NRXN3: variants seen among roughly 807,000 people sequenced by gnomAD.
The protein encoded by NRXN3 is neurexin III.
A neutral mutation model predicts 137.6 loss-of-function variants in NRXN3; 32 were observed. The ratio of observed to expected loss-of-function variants is 0.23; its 90% CI spans 0.18 to 0.31. The LOEUF (loss-of-function observed/expected upper bound fraction) is 0.31. Ranked by LOEUF, NRXN3 falls within the 10% of genes least tolerant of loss-of-function variation. The pLI is 1.00. For missense variants in NRXN3, 1,574 were observed against 2,062.5 expected, an observed-to-expected ratio of 0.76 and a Z score of 4.59; for synonymous variants, 798 against 784.5, an observed-to-expected ratio of 1.02 and a Z score of -0.29.
chr14:78,336,988 T>G (rs750304810), intron 4 of NRXN3, among the ~76,000 whole-genome samples: 74 of 152,324 alleles, frequency 4.9e-4, no homozygotes, highest in Non-Finnish European at 1.0e-3. Context: ...TCTCTGATTT[T>G]CTAGAATTTC....
intron 15 of NRXN3, among the ~76,000 whole-genome samples, chr14:79,025,196 C>T (rs1368472498): frequency 6.6e-6 from 1 of 152,112 alleles, no homozygotes; most frequent in Non-Finnish European, 1.5e-5. Context: ...TAGTCTTTAT[C>T]CTTTCAAATC....
chr14:78,935,074 T>A lies in NRXN3; in HGVS notation c.2276-22168T>A, dbSNP rs187331651. Among the ~76,000 whole-genome samples, 491 of 152,232 alleles carry A rather than the reference T, an allele frequency of 3.2e-3. 3 individuals carry two copies. Among genetic ancestry groups the A allele is most frequent in the African/African-American group, 0.011 (468 of 41,520 alleles). ...TGGCTCCTAGGCATATGGGAGAGGTTGAGTCAGTCACTGTGGCTTAGAGGC... is the reference window on the plus strand; with the variant it reads ...TGGCTCCTAGGCATATGGGAGAGGTAGAGTCAGTCACTGTGGCTTAGAGGC... On this transcript the variant is annotated intron_variant, in intron 10 of 20. Transcript: ENST00000335750.
At chr14:79,242,837 A>G (rs1444462285) in intron 15 of NRXN3, among the ~76,000 whole-genome samples, 2 of 152,162 alleles carry the variant, frequency 1.3e-5, no homozygotes, top group African/African-American at 4.8e-5. Flanking sequence ...CATTCATTAC[A>G]TATGTTCTAT....
intron 4 of NRXN3, among the ~76,000 whole-genome samples, chr14:78,562,311 C>T (rs1174980613): frequency 2.0e-5 from 3 of 149,380 alleles, no homozygotes; most frequent in Non-Finnish European, 4.4e-5. Flanking sequence ...GCAGAGGAAT[C>T]GCTTGAACCC....
chr14:78,340,161 G>A (rs923661744), intron 4 of NRXN3, among the ~76,000 whole-genome samples: 19 of 152,264 alleles, frequency 1.2e-4, no homozygotes, highest in African/African-American at 3.6e-4. Flanking sequence ...CTGCAAGCCC[G>A]AAGGGAAACT....
intron 15 of NRXN3, among the ~76,000 whole-genome samples, chr14:79,209,034 G>T (rs2067231585): frequency 6.6e-6 from 1 of 152,122 alleles, no homozygotes; most frequent in Admixed American, 6.5e-5. Flanking sequence ...CACCTCTTGG[G>T]TTCAAACGAT....
At chr14:79,015,814 A>G (rs2099578246) in intron 15 of NRXN3, among the ~76,000 whole-genome samples, 1 of 152,168 alleles carries the variant, frequency 6.6e-6, no homozygotes, top group Admixed American at 6.5e-5. Flanking sequence ...ACCCTACAGC[A>G]GGGAGATGTT....
At chr14:78,224,727 A>G (rs1487541737) in intron 1 of NRXN3, among the ~76,000 whole-genome samples, 2 of 149,450 alleles carry the variant, frequency 1.3e-5, no homozygotes, top group African/African-American at 4.9e-5. Flanking sequence ...ATAGTGCCAC[A>G]ATAAACATAC....
chr14:79,495,969 A>G (rs1014825506), intron 16 of NRXN3, among the ~76,000 whole-genome samples: 2 of 151,832 alleles, frequency 1.3e-5, no homozygotes, highest in Non-Finnish European at 2.9e-5. Context: ...ACAAAAAACA[A>G]AAAAACAAAA....
At chr14:79,120,040 T>C (rs1448613927) in intron 15 of NRXN3, among the ~76,000 whole-genome samples, 2 of 152,170 alleles carry the variant, frequency 1.3e-5, no homozygotes, top group Non-Finnish European at 2.9e-5. Context: ...CTATGACTTT[T>C]TCACAAACTT....
At chr14:78,204,558 G>T (rs2062001123) in intron 1 of NRXN3, among the ~76,000 whole-genome samples, 1 of 152,122 alleles carries the variant, frequency 6.6e-6, no homozygotes, top group Admixed American at 6.5e-5. Context: ...TTAAATTAAT[G>T]GTGGTAATGA....
intron 1 of NRXN3, among the ~76,000 whole-genome samples, chr14:78,232,132 T>C (rs1461479804): frequency 6.6e-6 from 1 of 152,258 alleles, no homozygotes; most frequent in African/African-American, 2.4e-5. Flanking sequence ...CTGTGAGGTG[T>C]GCCCGGTAGA....
intron 16 of NRXN3, among the ~76,000 whole-genome samples, chr14:79,593,890 G>A (rs2097836025): frequency 6.6e-6 from 1 of 152,200 alleles, no homozygotes; most frequent in Non-Finnish European, 1.5e-5. Context: ...AGCGCTGCTG[G>A]CCTGAATAAT....
chr14:78,907,297 G>A (rs1280736548), intron 10 of NRXN3, among the ~76,000 whole-genome samples: 3 of 151,910 alleles, frequency 2.0e-5, no homozygotes, highest in Non-Finnish European at 2.9e-5. Context: ...TCCTGAACAC[G>A]TCAAGATATC....
intron 4 of NRXN3, among the ~76,000 whole-genome samples, chr14:78,380,792 T>C (rs2088936552): frequency 4.3e-3 from 1 of 232 alleles, no homozygotes; most frequent in South Asian, 0.016. Flanking sequence ...CTTATCAAGT[T>C]TTTTTTTTTT....
intron 19 of NRXN3, among the ~76,000 whole-genome samples, chr14:79,711,219 T>C (rs2098802938): frequency 6.6e-6 from 1 of 152,188 alleles, no homozygotes; most frequent in Non-Finnish European, 1.5e-5. Flanking sequence ...TTTGAGATTA[T>C]AGTTTTATGG....
intron 8 of NRXN3, chr14:78,745,422 C>A (rs1452861087): frequency 6.6e-6 from 1 of 152,246 alleles, no homozygotes; most frequent in African/African-American, 2.4e-5. Context: ...ATTGACACAT[C>A]ATTTCTTTAC....
chr14:79,399,619 T>G (rs958583510), intron 15 of NRXN3, among the ~76,000 whole-genome samples: 2 of 152,162 alleles, frequency 1.3e-5, no homozygotes. Flanking sequence ...ACTCAAGAAC[T>G]ATAATTATGC....
intron 4 of NRXN3, among the ~76,000 whole-genome samples, chr14:78,588,260 C>G (rs969537679): frequency 1.3e-5 from 2 of 152,188 alleles, no homozygotes; most frequent in Admixed American, 6.5e-5. Context: ...ACTCACCACT[C>G]AATCATTCTC....
Sources: allele counts gnomAD v4.1 joint callset (sites outside exome capture counted in the v4.1 genomes callset), GRCh38; gene constraint gnomAD v4.1.1; transcripts MANE v1.5; gene names NCBI Gene and HGNC (gene_info 2026-07-23, HGNC 2026-07-21).